The following TFDP1 variants were observed in gnomAD, a reference collection of about 807,000 sequenced individuals.
TFDP1 encodes DRTF1-polypeptide 1.
TFDP1 carries 6 observed loss-of-function variants against 48.0 expected under a neutral mutation model. That is an observed-to-expected ratio of 0.13 (90% confidence interval 0.07 to 0.25). The LOEUF is 0.25. Among genes scored for constraint, TFDP1 ranks in the 10% least tolerant of loss-of-function variants. The pLI, the probability that TFDP1 is intolerant of heterozygous loss-of-function variation, is 1.00. For synonymous variants in TFDP1, 201 were observed against 211.6 expected, an observed-to-expected ratio of 0.95 and a Z score of 0.44; for missense variants, 335 against 543.0, an observed-to-expected ratio of 0.62 and a Z score of 3.81.
intron 9 of TFDP1, 151 bp from the exon 10 acceptor site, chr13:113,636,383 C>A (rs2049488603): frequency 2.9e-6 from 3 of 1,020,990 alleles, no homozygotes; most frequent in South Asian, 3.1e-5. Context: ...TCATTTACTT[C>A]AGAGTTTATA....
chr13:113,619,642 C>G (rs1230919909), intron 3 of TFDP1, among the ~76,000 whole-genome samples: 3 of 152,084 alleles, frequency 2.0e-5, no homozygotes, highest in Non-Finnish European at 2.9e-5. Flanking sequence ...CAAGCTCAGC[C>G]CCTATCTCCA....
chr13:113,605,883 G>A (rs1042835651), intron 2 of TFDP1, among the ~76,000 whole-genome samples: 1 of 142,612 alleles, frequency 7.0e-6, no homozygotes, highest in African/African-American at 2.9e-5. Context: ...AAGGCGGTGC[G>A]GTGATGAGTG....
chr13:113,620,511 A>G (rs902844490), intron 3 of TFDP1, among the ~76,000 whole-genome samples: 4 of 152,170 alleles, frequency 2.6e-5, no homozygotes, highest in African/African-American at 9.7e-5. Context: ...TCAACTACAT[A>G]TTCTTGAAAA....
chr13:113,595,924 T>C (rs961947717), intron 2 of TFDP1, among the ~76,000 whole-genome samples: 1 of 152,024 alleles, frequency 6.6e-6, no homozygotes, highest in Non-Finnish European at 1.5e-5. Flanking sequence ...CTACTAAAAA[T>C]ACAAAAAGTT....
intron 1 of TFDP1, 86 bp from the exon 2 acceptor site, chr13:113,585,688 C>A: frequency 1.3e-6 from 1 of 796,864 alleles, no homozygotes; most frequent in South Asian, 1.9e-5. Context: ...GTCCGCGTTT[C>A]CTTTGAGATG....
intron 4 of TFDP1, among the ~76,000 whole-genome samples, chr13:113,624,723 C>T (rs141031771): frequency 1.2e-3 from 162 of 132,228 alleles, no homozygotes; most frequent in African/African-American, 4.7e-3. Context: ...CTCACATGTC[C>T]TCACGTGTCT....
chr13:113,607,494 G>A lies in TFDP1; in HGVS notation c.13-3502G>A, dbSNP rs959587911. Among the ~76,000 whole-genome samples the A allele has an allele frequency of 7.6e-4, 115 of 152,250 alleles. 2 individuals carry two copies. The highest frequency in any genetic ancestry group is 2.5e-4 in the Non-Finnish European group (17 of 68,048). ...CAGTTGGAACCACAGACGATGCCAC[G>A]CTTGTGTCAGCAGTGCGACACTGGC... On this transcript the variant is annotated intron_variant, in intron 2 of 11. Transcript: ENST00000375370. The surrounding 1 kb of genome is among the most constrained non-coding windows in gnomAD (Gnocchi z 5.2).
At chr13:113,620,687 G>A (rs1159902729) in intron 3 of TFDP1, among the ~76,000 whole-genome samples, 4 of 152,162 alleles carry the variant, frequency 2.6e-5, no homozygotes, top group African/African-American at 9.7e-5. Flanking sequence ...TTTCGAATAT[G>A]TACAATCTTT....
chr13:113,640,049 C>A, intron 11 of TFDP1, 71 bp from the exon 12 acceptor site: 1 of 1,177,188 alleles, frequency 8.5e-7, no homozygotes, highest in Non-Finnish European at 1.2e-6. Flanking sequence ...CATTTGACCA[C>A]AAGCCCTGAG....
intron 2 of TFDP1, among the ~76,000 whole-genome samples, chr13:113,597,025 G>A (rs1267010840): frequency 6.6e-6 from 1 of 152,138 alleles, no homozygotes; most frequent in Non-Finnish European, 1.5e-5. Flanking sequence ...GTGCCTGCCC[G>A]GCGCCATTGT....
intron 2 of TFDP1, among the ~76,000 whole-genome samples, chr13:113,588,813 T>G (rs1008610865): frequency 5.1e-5 from 7 of 138,128 alleles, no homozygotes; most frequent in Non-Finnish European, 9.3e-5. Context: ...GGACAGTGAG[T>G]GGTGATGGTA....
intron 2 of TFDP1, among the ~76,000 whole-genome samples, chr13:113,590,853 A>G (rs1368692118): frequency 6.6e-6 from 1 of 151,958 alleles, no homozygotes; most frequent in Non-Finnish European, 1.5e-5. Flanking sequence ...CACTAAAAAT[A>G]CAAAAAATTA....
At chr13:113,608,785 C>G (rs73577445) in intron 2 of TFDP1, among the ~76,000 whole-genome samples, 2,025 of 152,310 alleles carry the variant, frequency 0.013, 45 homozygotes, top group African/African-American at 0.046. Flanking sequence ...AGTGTCTTGG[C>G]CTTCATCTCC....
chr13:113,630,990 C>T (rs1279348397), intron 4 of TFDP1, among the ~76,000 whole-genome samples: 1 of 152,216 alleles, frequency 6.6e-6, no homozygotes, highest in Non-Finnish European at 1.5e-5. Context: ...GTGGCCCTCC[C>T]TCCTTGCCTG....
intron 2 of TFDP1, among the ~76,000 whole-genome samples, chr13:113,610,419 G>A (rs2048681209): frequency 6.6e-6 from 1 of 151,834 alleles, no homozygotes; most frequent in African/African-American, 2.4e-5. Context: ...CCCCCACTTT[G>A]TGGCTGTGCC....
At position 113,634,047 on chromosome 13, in the gene TFDP1, C is replaced by A. The variant is rs770925640; in HGVS notation, c.618+14C>A. On this transcript the variant is annotated intron_variant, in intron 7 of 11. Coordinates refer to ENST00000375370, the MANE Select transcript of TFDP1 (RefSeq NM_007111.5). ...CAGAACTTAGAGGTGCCCCTTCAGC[C>A]TTCCTTCAACCTTGATTTCCCTTCA... 1 of 1,614,144 alleles carries A rather than the reference C, an allele frequency of 6.2e-7. No individual in the cohort carries two copies. Among genetic ancestry groups the A allele is most frequent in the Non-Finnish European group, 8.5e-7 (1 of 1,180,018 alleles).
At chr13:113,624,831 CCTCAGGTGTTTCTCAG>C in intron 4 of TFDP1, among the ~76,000 whole-genome samples, 1 of 145,998 alleles carries the variant, frequency 6.8e-6, no homozygotes, top group East Asian at 2.1e-4. Context: ...TCTCACGTGT[CCTCAGGTGTTTCTCAG>C]GTGTCTCTCA....
chr13:113,619,536 C>A (rs992601738), intron 3 of TFDP1, among the ~76,000 whole-genome samples: 2 of 151,458 alleles, frequency 1.3e-5, no homozygotes, highest in Non-Finnish European at 2.9e-5. Flanking sequence ...GCCCCAGAAG[C>A]CACTGCCACT....
intron 8 of TFDP1, among the ~76,000 whole-genome samples, chr13:113,634,803 A>ATG (rs142657527): frequency 0.98 from 148,046 of 150,844 alleles, 72,641 homozygotes; most frequent in East Asian, 1. Flanking sequence ...GTGTGCATGC[A>ATG]TGTGTGTGTG....
Sources: allele counts gnomAD v4.1 joint callset (sites outside exome capture counted in the v4.1 genomes callset), GRCh38; gene constraint gnomAD v4.1.1; non-coding constraint Gnocchi (gnomAD v3.1); transcripts MANE v1.5; gene names NCBI Gene and HGNC (gene_info 2026-07-23, HGNC 2026-07-21).